The following FAM83D variants were observed in gnomAD, a reference collection of about 807,000 sequenced individuals.
The protein encoded by FAM83D is protein FAM83D.
In FAM83D, 26 loss-of-function variants were observed where a neutral mutation model predicts 25.4. The ratio of observed to expected loss-of-function variants is 1.02; its 90% CI spans 0.75 to 1.42. The LOEUF is 1.42. FAM83D is among the 40% of genes most tolerant of loss of function. FAM83D has a pLI of 0.00. For missense variants in FAM83D, 740 were observed against 758.1 expected (o/e 0.98, Z 0.28); for synonymous variants, 310 against 318.5 (o/e 0.97, Z 0.28).
At position 38,942,051 on chromosome 20, in the gene FAM83D, C is replaced by G. The variant is rs1242879856; in HGVS notation, c.576C>G (p.Ile192Met). ...ICRKQGVAVY[I>M]LLDQALLSQF... is the part of the protein sequence containing the mutation. The stretch of plus-strand genomic sequence containing the variant: ...GGAAACAGGGAGTTGCTGTGTATAT[C>G]CTTCTGGACCAGGCTCTCCTCTCTC... The change falls in exon 2 of 4, where the codon ATC (isoleucine) becomes ATG (methionine). Residue 192 changes from isoleucine to methionine, a missense_variant. By Grantham distance (10) the Ile-to-Met change is conservative. This residue lies in a region of FAM83D where 333 missense variants were observed against 298.6 expected (regional missense o/e 1.12). Transcript: ENST00000619850. The G allele has an allele frequency of 6.2e-7, 1 of 1,614,204 alleles. No homozygotes were observed.
At chr20:38,948,725 C>T (rs1202785407) in intron 3 of FAM83D, among the ~76,000 whole-genome samples, 2 of 152,246 alleles carry the variant, frequency 1.3e-5, no homozygotes, top group East Asian at 3.9e-4. Context: ...AAAAGAAAAC[C>T]CCATTTTTGA....
In FAM83D at chr20:38,941,880, G is replaced by A. The variant is rs968662670; in HGVS notation, c.484-79G>A. 15 of 1,389,794 alleles carry A rather than the reference G, an allele frequency of 1.1e-5. No individual in the cohort carries two copies. In the South Asian group the frequency reaches 1.8e-4, roughly 17 times the overall value. 86.1% of individuals were successfully genotyped at this position (1,389,794 alleles called of 1,614,324 possible). On this transcript the variant is annotated intron_variant, in intron 1 of 3. Coordinates refer to ENST00000619850, the MANE Select transcript of FAM83D (RefSeq NM_030919.3). ...TAGGGATCATTTCCCAGTTCTGAGT[G>A]GAGTCCAGAGTCCAGAGAGCGTGCT...
chr20:38,938,856 G>A (rs1017994342), intron 1 of FAM83D, among the ~76,000 whole-genome samples: 11 of 152,126 alleles, frequency 7.2e-5, no homozygotes, highest in African/African-American at 2.7e-4. Flanking sequence ...GAATATCCAC[G>A]TGACTGCTGT....
At chr20:38,944,558 AG>A (rs1181404552) in intron 2 of FAM83D, among the ~76,000 whole-genome samples, 3 of 152,256 alleles carry the variant, frequency 2.0e-5, no homozygotes, top group Non-Finnish European at 4.4e-5. Flanking sequence ...TCTACTAGAC[AG>A]AAATCTATGA....
Position 38,952,168 on chromosome 20 carries a change from T to C in FAM83D, c.1406T>C (p.Val469Ala), listed in dbSNP as rs761631041. ...GGGTCACCAGTCTCAAAAATGTCTG[T>C]ATCGAGATCTTCCAGTTTGAAGTCT... ...TEGSPVSKMS[V>A]SRSSSLKSSS... The change falls in exon 4 of 4, where the codon GTA becomes GCA. Residue 469 changes from valine to alanine, a missense_variant. Physicochemically the swap from Val to Ala is moderately conservative, Grantham distance 64. This residue lies in a region of FAM83D where 375 missense variants were observed against 403.2 expected (regional missense o/e 0.93). Coordinates refer to ENST00000619850, the MANE Select transcript of FAM83D (RefSeq NM_030919.3). The C allele has an allele frequency of 1.2e-6, 2 of 1,614,074 alleles. No individual in the cohort carries two copies. The highest frequency in any genetic ancestry group is 4.5e-5 in the East Asian group (2 of 44,892).
At chr20:38,946,740 A>T (rs555523737) in intron 2 of FAM83D, among the ~76,000 whole-genome samples, 1 of 152,304 alleles carries the variant, frequency 6.6e-6, no homozygotes, top group African/African-American at 2.4e-5. Context: ...TCCATCCAAG[A>T]TGTGCACGTA....
rs1317052090 is a variant in FAM83D at position 38,951,633 on chromosome 20, T to G, written c.871T>G (p.Tyr291Asp). ...CTTTGATCTGGAGTTCCGAATCCTG[T>G]ATGCCCAGTCCAAGCCCATCAGCCC... ...EHFDLEFRIL[Y>D]AQSKPISPKL... Residue 291 changes from tyrosine to aspartate, a missense_variant, in exon 4 of 4, where the codon TAT becomes GAT. By Grantham distance (160) the Tyr-to-Asp change is radical. Coordinates refer to ENST00000619850, the MANE Select transcript of FAM83D (RefSeq NM_030919.3). 1 of 1,614,212 alleles carries G rather than the reference T, an allele frequency of 6.2e-7. No homozygotes were observed. Among genetic ancestry groups the G allele is most frequent in the East Asian group, 2.2e-5 (1 of 44,884 alleles).
At chr20:38,934,518 T>C (rs2085670917) in intron 1 of FAM83D, among the ~76,000 whole-genome samples, 1 of 150,912 alleles carries the variant, frequency 6.6e-6, no homozygotes, top group Admixed American at 6.6e-5. Flanking sequence ...AAAAAAATTC[T>C]TGATGCAAAT....
At chr20:38,947,743 T>G in intron 2 of FAM83D, 133 bp from the exon 3 acceptor site, 1 of 1,002,614 alleles carries the variant, frequency 1.0e-6, no homozygotes, top group Non-Finnish European at 1.5e-6. Context: ...CACTAAATGG[T>G]GACCCTAAGC....
intron 2 of FAM83D, among the ~76,000 whole-genome samples, chr20:38,946,848 T>G (rs770277693): frequency 6.6e-6 from 1 of 152,250 alleles, no homozygotes; most frequent in South Asian, 2.1e-4. Context: ...TTGTCTGTTA[T>G]GAATAAAGTT....
chr20:38,928,717 G>A (rs886335504), intron 1 of FAM83D, among the ~76,000 whole-genome samples: 2 of 152,194 alleles, frequency 1.3e-5, no homozygotes, highest in Non-Finnish European at 2.9e-5. Context: ...GTGAGGAGGG[G>A]ATGGAGCCAG....
At chr20:38,948,464 C>A (rs1472846962) in intron 3 of FAM83D, among the ~76,000 whole-genome samples, 1 of 152,188 alleles carries the variant, frequency 6.6e-6, no homozygotes, top group East Asian at 1.9e-4. Context: ...TTGCTTCAAG[C>A]CTTGTAATTT....
rs750930999 is a variant in FAM83D at position 38,952,436 on chromosome 20, C to T, written c.1674C>T (p.Asn558=). 2 of 1,614,084 alleles carry T rather than the reference C, an allele frequency of 1.2e-6. No individual in the cohort carries two copies. The highest frequency in any genetic ancestry group is 1.3e-5 in the African/African-American group (1 of 74,928). ...MLSRRTLFTE[N]HLGLHSGNFS... The stretch of plus-strand genomic sequence containing the variant: ...CAAGGAGAACACTCTTTACTGAAAA[C>T]CACCTTGGCCTTCATTCTGGCAATT... Residue 558 remains asparagine (N), a synonymous_variant, in exon 4 of 4, where the codon AAC becomes AAT. Transcript: ENST00000619850.
rs1174770476 is a variant in FAM83D, at chr20:38,951,697, A to G, written c.935A>G (p.Asp312Gly). Reference protein sequence around the residue: ...LSHFQSSNKFDHLTNRKPQSK... With the variant: ...LSHFQSSNKFGHLTNRKPQSK... ...CACTTCCAGAGCAGCAACAAGTTTG[A>G]TCACCTCACCAACCGAAAACCACAG... Residue 312 changes from aspartate to glycine, a missense_variant, in exon 4 of 4, where the codon GAT (aspartate) becomes GGT (glycine). This residue lies in a region of FAM83D where 375 missense variants were observed against 403.2 expected (regional missense o/e 0.93). Transcript: ENST00000619850. 1 of 1,614,196 alleles carries G rather than the reference A, an allele frequency of 6.2e-7. No homozygotes were observed. Among genetic ancestry groups the G allele is most frequent in the South Asian group, 1.1e-5 (1 of 91,084 alleles).
chr20:38,929,178 G>C (rs1386084713), intron 1 of FAM83D, among the ~76,000 whole-genome samples: 1 of 135,728 alleles, frequency 7.4e-6, no homozygotes, highest in Middle Eastern at 3.8e-3. Flanking sequence ...ACTCCCTCTC[G>C]GAAAAAAAAA....
chr20:38,931,059 T>C (rs1409522568), intron 1 of FAM83D, among the ~76,000 whole-genome samples: 1 of 152,230 alleles, frequency 6.6e-6, no homozygotes, highest in Non-Finnish European at 1.5e-5. Context: ...CGTGAGCCGC[T>C]GTGCCCGGCC....
At chr20:38,938,722 C>T (rs566573085) in intron 1 of FAM83D, among the ~76,000 whole-genome samples, 44 of 152,334 alleles carry the variant, frequency 2.9e-4, no homozygotes, top group African/African-American at 1.0e-3. Context: ...ATGTCGCCCA[C>T]TGCTCGGCTC....
chr20:38,952,051 G>C lies in FAM83D; in HGVS notation c.1289G>C (p.Ser430Thr). ...ACTGCAGTCATCACCAGGATAGCAA[G>C]CTCTCAAACCACGATTTGGTCCAGA... ...TQTAVITRIA[S>T]SQTTIWSRST... The change falls in exon 4 of 4, where the codon AGC (serine) becomes ACC (threonine). Residue 430 changes from serine to threonine, a missense_variant. By Grantham distance (58) the Ser-to-Thr change is moderately conservative (BLOSUM62 1). Around this residue, in one of 3 missense-constraint regions of FAM83D, gnomAD observed 375 missense variants for 403.2 expected, o/e 0.93. Transcript: ENST00000619850. The C allele has an allele frequency of 6.2e-7, 1 of 1,614,232 alleles. No individual in the cohort carries two copies. The highest frequency in any genetic ancestry group is 8.5e-7 in the Non-Finnish European group (1 of 1,180,038).
intron 1 of FAM83D, among the ~76,000 whole-genome samples, chr20:38,929,146 C>T (rs947128134): frequency 4.7e-5 from 7 of 149,310 alleles, no homozygotes; most frequent in Admixed American, 3.4e-4. Context: ...CACTGGACTC[C>T]AGCTCTGGGC....
Sources: gnomAD v4.1 joint callset for allele counts (sites outside exome capture counted in the v4.1 genomes callset) on GRCh38, gnomAD v4.1.1 for gene constraint, gnomAD v4.1.1 regional missense constraint, MANE v1.5 for transcripts, NCBI Gene and HGNC (gene_info 2026-07-23, HGNC 2026-07-21) for gene names.